The following HS6ST3 variants were observed in gnomAD, a reference collection of about 807,000 sequenced individuals.
The protein encoded by HS6ST3 is heparan-sulfate 6-O-sulfotransferase 3.
A neutral mutation model predicts 36.7 loss-of-function variants in HS6ST3; 12 were observed. The ratio of observed to expected loss-of-function variants is 0.33; its 90% CI spans 0.21 to 0.53. The LOEUF (loss-of-function observed/expected upper bound fraction) is 0.53, where lower values mean the gene tolerates loss of function less well. Ranked by LOEUF, HS6ST3 falls within the 20% of genes least tolerant of loss-of-function variation. HS6ST3 has a pLI of 0.95. For synonymous variants in HS6ST3, 240 were observed against 257.5 expected, an observed-to-expected ratio of 0.93 and a Z score of 0.65; for missense variants, 584 against 640.9, an observed-to-expected ratio of 0.91 and a Z score of 0.96.
chr13:96,461,290 G>A (rs1265555142), intron 1 of HS6ST3, among the ~76,000 whole-genome samples: 2 of 152,184 alleles, frequency 1.3e-5, no homozygotes, highest in African/African-American at 4.8e-5. Context: ...TGACAGTTCA[G>A]CAGAAGTGAT....
intron 1 of HS6ST3, among the ~76,000 whole-genome samples, chr13:96,742,460 G>A (rs1876464292): frequency 6.6e-6 from 1 of 151,992 alleles, no homozygotes; most frequent in African/African-American, 2.4e-5. Context: ...TACAGACACA[G>A]ACGATTGAAA....
At chr13:96,812,797 A>ACC (rs1271038456) in intron 1 of HS6ST3, among the ~76,000 whole-genome samples, 1 of 151,540 alleles carries the variant, frequency 6.6e-6, no homozygotes, top group Non-Finnish European at 1.5e-5. Flanking sequence ...ACACACACAC[A>ACC]CCCCTTAGGC....
intron 1 of HS6ST3, among the ~76,000 whole-genome samples, chr13:96,255,627 A>C (rs915774642): frequency 6.6e-6 from 1 of 152,330 alleles, no homozygotes; most frequent in African/African-American, 2.4e-5. Context: ...TAGGAGATTC[A>C]GCAGGCAATT....
chr13:96,571,257 T>C (rs1187479926), intron 1 of HS6ST3, among the ~76,000 whole-genome samples: 1 of 152,238 alleles, frequency 6.6e-6, no homozygotes, highest in East Asian at 1.9e-4. Flanking sequence ...TTCATCGTAA[T>C]CTGCTATGGC....
chr13:96,415,979 C>A (rs1471599051), intron 1 of HS6ST3, among the ~76,000 whole-genome samples: 1 of 152,156 alleles, frequency 6.6e-6, no homozygotes, highest in Non-Finnish European at 1.5e-5. Flanking sequence ...AACTGTTTTT[C>A]ATCGGTGGCA....
At chr13:96,284,475 C>T (rs1348241326) in intron 1 of HS6ST3, among the ~76,000 whole-genome samples, 2 of 152,122 alleles carry the variant, frequency 1.3e-5, no homozygotes, top group African/African-American at 4.8e-5. Flanking sequence ...AAGATATAGG[C>T]CAGAGGTCTA....
chr13:96,282,855 G>C (rs2054782549), intron 1 of HS6ST3, among the ~76,000 whole-genome samples: 1 of 152,090 alleles, frequency 6.6e-6, no homozygotes, highest in Non-Finnish European at 1.5e-5. Flanking sequence ...TTAGAATTCA[G>C]GGTTTACTCA....
At chr13:96,621,372 T>C (rs1292303293) in intron 1 of HS6ST3, among the ~76,000 whole-genome samples, 1 of 152,196 alleles carries the variant, frequency 6.6e-6, no homozygotes, top group African/African-American at 2.4e-5. Flanking sequence ...GTTTTTAAAA[T>C]GGCAGTTTTT....
intron 1 of HS6ST3, among the ~76,000 whole-genome samples, chr13:96,814,400 C>T (rs80041009): frequency 0.073 from 11,059 of 152,044 alleles, 463 homozygotes; most frequent in Middle Eastern, 0.12. Context: ...AAAATCGTGG[C>T]GAGTTGATTT....
At chr13:96,458,002 C>A (rs577994072) in intron 1 of HS6ST3, among the ~76,000 whole-genome samples, 26 of 151,832 alleles carry the variant, frequency 1.7e-4, no homozygotes, top group Middle Eastern at 3.4e-3. Flanking sequence ...TTTTTTCTTT[C>A]CAGTAGTATT....
intron 1 of HS6ST3, among the ~76,000 whole-genome samples, chr13:96,637,550 C>T (rs1229047196): frequency 6.6e-6 from 1 of 152,008 alleles, no homozygotes; most frequent in East Asian, 1.9e-4. Context: ...GTTCATTCTA[C>T]TAGCTTGTAT....
chr13:96,814,054 G>A (rs1878372077), intron 1 of HS6ST3, among the ~76,000 whole-genome samples: 1 of 152,000 alleles, frequency 6.6e-6, no homozygotes, highest in Non-Finnish European at 1.5e-5. Context: ...CTATTGAAAG[G>A]TGAAAAATTT....
intron 1 of HS6ST3, among the ~76,000 whole-genome samples, chr13:96,234,413 A>C (rs1449768793): frequency 1.5e-4 from 23 of 152,094 alleles, no homozygotes. Flanking sequence ...ACCAAAAAAC[A>C]AAAAACAAAA....
intron 1 of HS6ST3, among the ~76,000 whole-genome samples, chr13:96,561,728 G>C (rs1324865261): frequency 6.6e-6 from 1 of 152,138 alleles, no homozygotes; most frequent in African/African-American, 2.4e-5. Context: ...GACAGGAACA[G>C]ACACTTCTCA....
At chr13:96,186,045 C>T (rs773884636) in intron 1 of HS6ST3, among the ~76,000 whole-genome samples, 1 of 152,072 alleles carries the variant, frequency 6.6e-6, no homozygotes, top group Admixed American at 6.6e-5. Context: ...TATATATATG[C>T]ATGCATATGT....
At chr13:96,211,152 G>A (rs961447019) in intron 1 of HS6ST3, among the ~76,000 whole-genome samples, 4 of 152,114 alleles carry the variant, frequency 2.6e-5, no homozygotes, top group Non-Finnish European at 4.4e-5. Flanking sequence ...GGCTGGTCTC[G>A]AACTCCTGAC....
intron 1 of HS6ST3, among the ~76,000 whole-genome samples, chr13:96,668,928 T>C (rs1317702173): frequency 2.0e-5 from 3 of 151,972 alleles, no homozygotes; most frequent in African/African-American, 7.2e-5. Context: ...GATAAAGCGA[T>C]AAACATGCAG....
intron 1 of HS6ST3, among the ~76,000 whole-genome samples, chr13:96,454,675 A>G (rs112964305): frequency 9.9e-5 from 15 of 152,094 alleles, no homozygotes; most frequent in African/African-American, 2.9e-4. Context: ...ACTCATTTGC[A>G]TTAGAAAAGT....
intron 1 of HS6ST3, among the ~76,000 whole-genome samples, chr13:96,628,878 C>T (rs758153715): frequency 5.9e-5 from 9 of 151,712 alleles, no homozygotes; most frequent in Non-Finnish European, 8.8e-5. Flanking sequence ...TGCATATGTA[C>T]GTACACATGA....
Sources: allele counts gnomAD v4.1 joint callset (sites outside exome capture counted in the v4.1 genomes callset), GRCh38; gene constraint gnomAD v4.1.1; transcripts MANE v1.5; gene names NCBI Gene and HGNC (gene_info 2026-07-23, HGNC 2026-07-21).